ENOX1: variants seen among roughly 807,000 people sequenced by gnomAD.
ENOX1 encodes candidate growth-related and time keeping constitutive hydroquinone (NADH) oxidase.
ENOX1 carries 42 observed loss-of-function variants against 82.5 expected under a neutral mutation model. That is an observed-to-expected ratio of 0.51 (90% confidence interval 0.40 to 0.66). The LOEUF (loss-of-function observed/expected upper bound fraction) is 0.66, where lower values mean the gene tolerates loss of function less well. ENOX1 is among the 30% of genes least tolerant of loss of function. ENOX1 has a pLI of 0.00. For missense variants in ENOX1, 608 were observed against 811.6 expected (o/e 0.75, Z 3.05); for synonymous variants, 271 against 282.2 (o/e 0.96, Z 0.40).
chr13:43,620,990 A>G (rs1398241625), intron 2 of ENOX1, among the ~76,000 whole-genome samples: 1 of 152,160 alleles, frequency 6.6e-6, no homozygotes, highest in African/African-American at 2.4e-5. Flanking sequence ...GACTTTTACC[A>G]TTATATAACA....
intron 15 of ENOX1, among the ~76,000 whole-genome samples, chr13:43,229,862 G>A (rs1348123543): frequency 6.6e-6 from 1 of 152,202 alleles, no homozygotes; most frequent in African/African-American, 2.4e-5. Flanking sequence ...TGAGAATATT[G>A]GGGAAGGAGC....
chr13:43,329,555 G>C (rs947367224), intron 9 of ENOX1, among the ~76,000 whole-genome samples: 3 of 152,164 alleles, frequency 2.0e-5, no homozygotes, highest in East Asian at 1.9e-4. Context: ...ATATGGATTA[G>C]GGGTTCAGAA....
intron 2 of ENOX1, chr13:43,609,793 A>G (rs994591361): frequency 3.1e-6 from 1 of 325,630 alleles, no homozygotes; most frequent in African/African-American, 2.2e-5. Flanking sequence ...TTATTATGGC[A>G]TAACAATTAA....
At chr13:43,611,041 T>C (rs553847269) in intron 2 of ENOX1, among the ~76,000 whole-genome samples, 1 of 152,148 alleles carries the variant, frequency 6.6e-6, no homozygotes, top group Non-Finnish European at 1.5e-5. Flanking sequence ...TCAATAAAGA[T>C]AGTTCAATAA....
intron 14 of ENOX1, among the ~76,000 whole-genome samples, chr13:43,250,444 A>G (rs1383149211): frequency 1.3e-5 from 2 of 152,222 alleles, no homozygotes; most frequent in Non-Finnish European, 2.9e-5. Flanking sequence ...TGTGCCTGTC[A>G]TGTGGACTTG....
At chr13:43,583,845 G>C (rs1327462220) in intron 2 of ENOX1, among the ~76,000 whole-genome samples, 1 of 150,456 alleles carries the variant, frequency 6.6e-6, no homozygotes, top group African/African-American at 2.4e-5. Context: ...TTTAGGGTAA[G>C]GGCCATGTCT....
At chr13:43,242,588 G>A (rs2042890762) in intron 14 of ENOX1, among the ~76,000 whole-genome samples, 1 of 152,130 alleles carries the variant, frequency 6.6e-6, no homozygotes, top group Admixed American at 6.5e-5. Flanking sequence ...TAAATACTTG[G>A]GTTTCAGCCT....
chr13:43,249,041 T>TAAC (rs2043299613), intron 14 of ENOX1, among the ~76,000 whole-genome samples: 1 of 152,196 alleles, frequency 6.6e-6, no homozygotes, highest in Non-Finnish European at 1.5e-5. Flanking sequence ...GCCTGGATCA[T>TAAC]AACTTAATAA....
chr13:43,593,211 C>T (rs1455612692), intron 2 of ENOX1, among the ~76,000 whole-genome samples: 2 of 152,180 alleles, frequency 1.3e-5, no homozygotes, highest in Non-Finnish European at 2.9e-5. Context: ...GAGACCATTT[C>T]ACTGGCAATG....
rs139407346 is a variant in ENOX1 at position 43,448,973 on chromosome 13, G to A, written c.-75+35036C>T. Among the ~76,000 whole-genome samples, 1,155 of 152,348 alleles carry A rather than the reference G, an allele frequency of 7.6e-3. 39 individuals carry two copies. Among genetic ancestry groups the A allele is most frequent in the Admixed American group, 0.063 (967 of 15,302 alleles). ...TGTAAGTGAAACTTAAAATGAAATG[G>A]CATGCCTTAAGGCATTTATAAGAGT... On this transcript the variant is annotated intron_variant, in intron 3 of 16. Transcript: ENST00000690772.
At chr13:43,427,992 A>C (rs1333294598) in intron 3 of ENOX1, among the ~76,000 whole-genome samples, 2 of 152,186 alleles carry the variant, frequency 1.3e-5, no homozygotes, top group Non-Finnish European at 2.9e-5. Flanking sequence ...CAACATCAGC[A>C]ATGCACCAGG....
intron 2 of ENOX1, among the ~76,000 whole-genome samples, chr13:43,542,173 T>G (rs1415125668): frequency 6.6e-6 from 1 of 152,162 alleles, no homozygotes; most frequent in Non-Finnish European, 1.5e-5. Context: ...GAAATCTTGC[T>G]CTGTCGTTCT....
intron 1 of ENOX1, among the ~76,000 whole-genome samples, chr13:43,705,330 C>CTCTCTCTCTATATATA (rs141765196): frequency 5.4e-5 from 7 of 129,864 alleles, no homozygotes; most frequent in African/African-American, 2.0e-4. Context: ...CTCTCTCTCT[C>CTCTCTCTCTATATATA]TATATATATA....
intron 2 of ENOX1, chr13:43,544,168 T>C (rs1319393721): frequency 6.6e-6 from 1 of 152,144 alleles, no homozygotes; most frequent in African/African-American, 2.4e-5. Flanking sequence ...GCATGAGCCA[T>C]CGCGCCCAGC....
chr13:43,601,603 A>G (rs767723866), intron 2 of ENOX1, among the ~76,000 whole-genome samples: 4 of 152,164 alleles, frequency 2.6e-5, no homozygotes, highest in Admixed American at 6.6e-5. Context: ...AAGAAGAGGT[A>G]GAGAGAAAGA....
intron 2 of ENOX1, among the ~76,000 whole-genome samples, chr13:43,508,939 T>C (rs554150958): frequency 1.3e-5 from 2 of 152,030 alleles, no homozygotes; most frequent in Non-Finnish European, 2.9e-5. Context: ...CATTTATTGA[T>C]CAAATAAATG....
At chr13:43,391,523 T>G (rs1195673399) in intron 5 of ENOX1, among the ~76,000 whole-genome samples, 2 of 152,274 alleles carry the variant, frequency 1.3e-5, no homozygotes, top group African/African-American at 4.8e-5. Flanking sequence ...TCTGAGTGCA[T>G]GATTTCTCCC....
chr13:43,252,297 G>GA (rs951465233), intron 14 of ENOX1, among the ~76,000 whole-genome samples: 3 of 151,088 alleles, frequency 2.0e-5, no homozygotes, highest in African/African-American at 4.9e-5. Context: ...GTTTTTCTTG[G>GA]AAAAAAAAAT....
intron 3 of ENOX1, among the ~76,000 whole-genome samples, chr13:43,413,804 C>T (rs1017796065): frequency 6.7e-6 from 1 of 150,194 alleles, no homozygotes; most frequent in African/African-American, 2.4e-5. Flanking sequence ...AAGTTCTTCT[C>T]AATCTCACAC....
Sources: gnomAD v4.1 joint callset for allele counts (sites outside exome capture counted in the v4.1 genomes callset) on GRCh38, gnomAD v4.1.1 for gene constraint, MANE v1.5 for transcripts, NCBI Gene and HGNC (gene_info 2026-07-23, HGNC 2026-07-21) for gene names.